The following OPN1SW variants were observed in gnomAD, a reference collection of about 807,000 sequenced individuals.
The protein encoded by OPN1SW is opsin 1, short wave sensitive.
OPN1SW carries 25 observed loss-of-function variants against 31.9 expected under a neutral mutation model. The ratio of observed to expected loss-of-function variants is 0.78; its 90% CI spans 0.57 to 1.09. The LOEUF is 1.09. OPN1SW is among the 50% of genes least tolerant of loss of function. The probability of loss-of-function intolerance (pLI) is 0.00; values close to 1 mark genes in which losing one functional copy is unlikely to be tolerated. For synonymous variants in OPN1SW, 190 were observed against 171.9 expected, an observed-to-expected ratio of 1.11 and a Z score of -0.82; for missense variants, 424 against 448.0, an observed-to-expected ratio of 0.95 and a Z score of 0.48.
Position 128,772,529 on chromosome 7 carries a change from A to G in OPN1SW, c.*11T>C, listed in dbSNP as rs371632717. The G allele has an allele frequency of 1.9e-6, 3 of 1,614,188 alleles. No individual in the cohort carries two copies. The highest frequency in any genetic ancestry group is 1.3e-5 in the African/African-American group (1 of 75,056). On this transcript the variant is annotated 3_prime_UTR_variant, in exon 5 of 5. Coordinates refer to ENST00000249389, the MANE Select transcript of OPN1SW (RefSeq NM_001385125.1). ...AATTCTAGCTGTTGCAAACAGGCCAATATTGGGTCCTCAGTTGGGGCCAAC... is the reference window on the plus strand; with the variant it reads ...AATTCTAGCTGTTGCAAACAGGCCAGTATTGGGTCCTCAGTTGGGGCCAAC...
At chr7:128,775,303 C>A in intron 1 of OPN1SW, 136 bp downstream of exon 1, 1 of 1,289,968 alleles carries the variant, frequency 7.8e-7, no homozygotes, top group Non-Finnish European at 1.1e-6. Context: ...TTTAGCCAAA[C>A]TTCTAGTCTG....
In OPN1SW at chr7:128,775,640, G is replaced by T; in HGVS notation, c.142C>A (p.Leu48Ile). 6.2e-7 allele frequency: 1 copy of T among 1,614,192 alleles called. No individual in the cohort carries two copies. Among genetic ancestry groups the T allele is most frequent in the Non-Finnish European group, 8.5e-7 (1 of 1,180,012 alleles). ...MGTVFLIGFP[L>I]NAMVLVATLR... ...GTGGCCACCAGCACCATGGCATTGAGTGGGAACCCTATAAGGAAGACAGTG... is the reference window on the plus strand; with the variant it reads ...GTGGCCACCAGCACCATGGCATTGATTGGGAACCCTATAAGGAAGACAGTG... The change falls in exon 1 of 5, where the codon CTC becomes ATC. Residue 48 changes from leucine (L) to isoleucine (I), a missense_variant. Coordinates refer to ENST00000249389, the MANE Select transcript of OPN1SW (RefSeq NM_001385125.1).
Position 128,775,023 on chromosome 7 carries a change from T to A in OPN1SW, c.475A>T (p.Ile159Phe). The change falls in exon 2 of 5, where the codon ATT (isoleucine) becomes TTT (phenylalanine). Residue 159 changes from isoleucine to phenylalanine, a missense_variant. Coordinates refer to ENST00000249389, the MANE Select transcript of OPN1SW (RefSeq NM_001385125.1). ...TVVLATWTIG[I>F]GVSIPPFFGW... is the part of the protein sequence containing the mutation. The stretch of plus-strand genomic sequence containing the variant: ...AAGAAGGGTGGGATGGAGACGCCAA[T>A]ACCAATGGTCCAGGTAGCCAGGACC... 1 of 1,614,146 alleles carries A rather than the reference T, an allele frequency of 6.2e-7. No individual in the cohort carries two copies.
Position 128,774,621 on chromosome 7 carries a change from C to G in OPN1SW, c.555G>C (p.Trp185Cys), listed in dbSNP as rs1048307085. 3 of 1,613,972 alleles carry G rather than the reference C, an allele frequency of 1.9e-6. No individual in the cohort carries two copies. The highest frequency in any genetic ancestry group is 2.5e-6 in the Non-Finnish European group (3 of 1,180,028). Residue 185 changes from tryptophan to cysteine, a missense_variant, in exon 3 of 5, where the codon TGG (tryptophan) becomes TGC (cysteine). By Grantham distance (215) the Trp-to-Cys change is radical. Transcript: ENST00000249389. Reference sequence around the variant, plus strand: ...TGCGGTATTTGGTGCCCACGGTGTACCAGTCAGGGCCACAGGAACACTGCA... The same window carrying G: ...TGCGGTATTTGGTGCCCACGGTGTAGCAGTCAGGGCCACAGGAACACTGCA... ...EGLQCSCGPD[W>C]YTVGTKYRSE...
Position 128,774,679 on chromosome 7 carries a change from C to G in OPN1SW, c.513-16G>C. The G allele has an allele frequency of 1.2e-6, 2 of 1,614,088 alleles. No individual in the cohort carries two copies. The highest frequency in any genetic ancestry group is 1.7e-6 in the Non-Finnish European group (2 of 1,180,034). On this transcript the variant is annotated splice_polypyrimidine_tract_variant and intron_variant, in intron 2 of 4. Transcript: ENST00000249389. ...AGGGATGAACCTGCAAAGGACCAAA[C>G]ACTTGCTCACTGGACTCTCCACAAG... is the stretch of plus-strand genomic sequence containing the variant.
At position 128,775,628 on chromosome 7, in the gene OPN1SW, C is replaced by G; in HGVS notation, c.154G>C (p.Val52Leu). Reference sequence around the variant, plus strand: ...TTGTAGCGCAGTGTGGCCACCAGCACCATGGCATTGAGTGGGAACCCTATA... The same window carrying G: ...TTGTAGCGCAGTGTGGCCACCAGCAGCATGGCATTGAGTGGGAACCCTATA... Reference protein sequence around the residue: ...FLIGFPLNAMVLVATLRYKKL... With the variant: ...FLIGFPLNAMLLVATLRYKKL... Residue 52 changes from valine (V) to leucine (L), a missense_variant, in exon 1 of 5, where the codon GTG becomes CTG. Physicochemically the swap from Val to Leu is conservative, Grantham distance 32. Transcript: ENST00000249389. The G allele has an allele frequency of 6.2e-7, 1 of 1,614,148 alleles. No individual in the cohort carries two copies. The highest frequency in any genetic ancestry group is 8.5e-7 in the Non-Finnish European group (1 of 1,180,000).
intron 4 of OPN1SW, among the ~76,000 whole-genome samples, chr7:128,773,279 T>C (rs958218193): frequency 1.4e-4 from 21 of 152,354 alleles, no homozygotes; most frequent in Admixed American, 7.2e-4. Context: ...GTTTTTATTT[T>C]TATTTTTTTA....
intron 3 of OPN1SW, 95 bp downstream of exon 3, chr7:128,774,403 T>C (rs1801708353): frequency 3.3e-6 from 5 of 1,507,370 alleles, no homozygotes; most frequent in African/African-American, 2.7e-5. Flanking sequence ...CCTCTCTGGC[T>C]ATGGACATTT....
intron 4 of OPN1SW, among the ~76,000 whole-genome samples, chr7:128,772,889 T>C (rs918185091): frequency 6.6e-5 from 10 of 152,208 alleles, no homozygotes; most frequent in South Asian, 2.1e-4. Context: ...TCACTGTTGG[T>C]AAATTCACAA....
At chr7:128,774,689 CTG>C (rs1562888381) in intron 2 of OPN1SW, 26 bp from the exon 3 acceptor site, 1 of 1,613,958 alleles carries the variant, frequency 6.2e-7, no homozygotes, top group East Asian at 2.2e-5. Context: ...CACTTGCTCA[CTG>C]GACTCTCCAC....
At position 128,774,674 on chromosome 7, in the gene OPN1SW, C is replaced by G; in HGVS notation, c.513-11G>C. The G allele has an allele frequency of 6.2e-7, 1 of 1,614,082 alleles. No homozygotes were observed. Among genetic ancestry groups the G allele is most frequent in the Non-Finnish European group, 8.5e-7 (1 of 1,180,030 alleles). ...CCCTCAGGGATGAACCTGCAAAGGACCAAACACTTGCTCACTGGACTCTCC... is the reference window on the plus strand; with the variant it reads ...CCCTCAGGGATGAACCTGCAAAGGAGCAAACACTTGCTCACTGGACTCTCC... On this transcript the variant is annotated splice_polypyrimidine_tract_variant and intron_variant, in intron 2 of 4. Coordinates refer to ENST00000249389, the MANE Select transcript of OPN1SW (RefSeq NM_001385125.1).
At position 128,775,604 on chromosome 7, in the gene OPN1SW, T is replaced by G. The variant is rs1260158404; in HGVS notation, c.178A>C (p.Lys60Gln). ...TAGTTGAGGGGCTGCCGCAACTTTT[T>G]GTAGCGCAGTGTGGCCACCAGCACC... ...AMVLVATLRYKKLRQPLNYIL... is the reference protein window; with the variant it reads ...AMVLVATLRYQKLRQPLNYIL... The change falls in exon 1 of 5, where the codon AAA becomes CAA. Residue 60 changes from lysine (K) to glutamine (Q), a missense_variant. Transcript: ENST00000249389. 6.2e-7 allele frequency: 1 copy of G among 1,614,152 alleles called. No homozygotes were observed. The highest frequency in any genetic ancestry group is 8.5e-7 in the Non-Finnish European group (1 of 1,180,016).
chr7:128,773,672 T>C lies in OPN1SW; in HGVS notation c.895A>G (p.Ile299Val), dbSNP rs78532499. The change falls in exon 4 of 5, where the codon ATC (isoleucine) becomes GTC (valine). Residue 299 changes from isoleucine (I) to valine (V), a missense_variant. Coordinates refer to ENST00000249389, the MANE Select transcript of OPN1SW (RefSeq NM_001385125.1). Reference protein sequence around the residue: ...SKSACIYNPIIYCFMNKQFQA... With the variant: ...SKSACIYNPIVYCFMNKQFQA... ...ACCTGCTTATTCATGAAGCAGTAGA[T>C]GATGGGATTGTAGATGCAAGCACTC... 1,025 of 1,614,200 alleles carry C rather than the reference T, an allele frequency of 6.3e-4. 9 individuals carry two copies. In the East Asian group the frequency reaches 0.02, roughly 32 times the overall value.
At chr7:128,774,696 C>T (rs747966331) in intron 2 of OPN1SW, 33 bp from the exon 3 acceptor site, 22 of 1,613,788 alleles carry the variant, frequency 1.4e-5, no homozygotes, top group Middle Eastern at 1.7e-4. Flanking sequence ...TCACTGGACT[C>T]TCCACAAGAG....
rs193151232 is a variant in OPN1SW, at chr7:128,774,876, A to T, written c.512+110T>A. ...CCACTGCCCTTTCGCCTCATATTGC[A>T]ACTCTTTAAAAGTAGAGGTCAAAGA... On this transcript the variant is annotated intron_variant, in intron 2 of 4. Coordinates refer to ENST00000249389, the MANE Select transcript of OPN1SW (RefSeq NM_001385125.1). 1.7e-4 allele frequency: 251 copies of T among 1,466,132 alleles called. 1 individual carries two copies. The African/African-American group carries it at 3.2e-3, about 19-fold the overall frequency. 90.8% of individuals were successfully genotyped at this position (1,466,132 alleles called of 1,614,324 possible).
In OPN1SW at chr7:128,775,655, G is replaced by A. The variant is rs758046435; in HGVS notation, c.127C>T (p.Leu43Phe). ...ATGGCATTGAGTGGGAACCCTATAA[G>A]GAAGACAGTGCCCATGAAAGCTGCC... ...LQAAFMGTVF[L>F]IGFPLNAMVL... The change falls in exon 1 of 5, where the codon CTT becomes TTT. Residue 43 changes from leucine to phenylalanine, a missense_variant. Leu to Phe is a conservative substitution (Grantham distance 22, BLOSUM62 0). Transcript: ENST00000249389. 1.2e-6 allele frequency: 2 copies of A among 1,614,160 alleles called. No individual in the cohort carries two copies. The highest frequency in any genetic ancestry group is 1.1e-5 in the South Asian group (1 of 91,082).
chr7:128,775,261 T>A (rs1801736592), intron 1 of OPN1SW, 107 bp from the exon 2 acceptor site: 1 of 1,369,380 alleles, frequency 7.3e-7, no homozygotes, highest in Non-Finnish European at 1.0e-6. Flanking sequence ...AGGGCTGGAC[T>A]GACATTTGGA....
In OPN1SW at chr7:128,772,593, A is replaced by T. The variant is rs1224995349; in HGVS notation, c.985T>A (p.Ser329Thr). 1.9e-6 allele frequency: 3 copies of T among 1,614,182 alleles called. No homozygotes were observed. Among genetic ancestry groups the T allele is most frequent in the Middle Eastern group, 1.6e-4 (1 of 6,062 alleles). ...AMTDESDTCSSQKTEVSTVSS... is the reference protein window; with the variant it reads ...AMTDESDTCSTQKTEVSTVSS... ...ACAGTAGAAACTTCTGTTTTCTGGG[A>T]GCTGCATGTGTCGGATTCATCTGTC... Residue 329 changes from serine to threonine, a missense_variant, in exon 5 of 5, where the codon TCC (serine) becomes ACC (threonine). Ser to Thr is a moderately conservative substitution (Grantham distance 58). Transcript: ENST00000249389.
intron 3 of OPN1SW, 47 bp from the exon 4 acceptor site, chr7:128,773,935 T>A: frequency 6.7e-7 from 1 of 1,494,430 alleles, no homozygotes; most frequent in Non-Finnish European, 8.9e-7. Context: ...TTCCTGGCCC[T>A]CTGGATGCTT....
Sources: gnomAD v4.1 joint callset for allele counts (sites outside exome capture counted in the v4.1 genomes callset) on GRCh38, gnomAD v4.1.1 for gene constraint, MANE v1.5 for transcripts, NCBI Gene and HGNC (gene_info 2026-07-23, HGNC 2026-07-21) for gene names.